The following NRIP1 variants were observed in gnomAD, a reference collection of about 807,000 sequenced individuals.
The protein encoded by NRIP1 is nuclear receptor-interacting protein 1.
A neutral mutation model predicts 75.0 loss-of-function variants in NRIP1; 28 were observed. The observed-to-expected ratio is 0.37, with a 90% CI of 0.28 to 0.51. The LOEUF is 0.51. Among genes scored for constraint, NRIP1 ranks in the 20% least tolerant of loss-of-function variants. NRIP1 has a pLI of 0.92. For synonymous variants in NRIP1, 526 were observed against 487.6 expected, an observed-to-expected ratio of 1.08 and a Z score of -1.04; for missense variants, 1,435 against 1,343.7, an observed-to-expected ratio of 1.07 and a Z score of -1.06.
intron 2 of NRIP1, among the ~76,000 whole-genome samples, chr21:15,029,018 A>G (rs962150824): frequency 2.0e-5 from 3 of 151,742 alleles, no homozygotes; most frequent in Admixed American, 6.6e-5. Flanking sequence ...TCACACCCAC[A>G]TACAATCTTT....
At chr21:15,041,861 G>A (rs1368257807) in intron 2 of NRIP1, among the ~76,000 whole-genome samples, 2 of 151,974 alleles carry the variant, frequency 1.3e-5, no homozygotes, top group African/African-American at 2.4e-5. Flanking sequence ...TTATTTTACT[G>A]ATAAAGTATA....
chr21:15,058,902 C>G (rs1017469631), intron 1 of NRIP1, among the ~76,000 whole-genome samples: 5 of 152,154 alleles, frequency 3.3e-5, no homozygotes, highest in African/African-American at 1.2e-4. Flanking sequence ...ATAGTACCCT[C>G]ACATAGCTAG....
intron 2 of NRIP1, among the ~76,000 whole-genome samples, chr21:15,021,137 T>A (rs903443298): frequency 2.0e-5 from 3 of 152,068 alleles, no homozygotes; most frequent in African/African-American, 7.2e-5. Flanking sequence ...TCAATCATAA[T>A]AACCAAAAAC....
At chr21:14,999,011 A>AAG (rs371600757) in intron 3 of NRIP1, among the ~76,000 whole-genome samples, 3 of 151,212 alleles carry the variant, frequency 2.0e-5, no homozygotes, top group Admixed American at 6.6e-5. Context: ...CTCTCGTAGA[A>AAG]AGAGAGAGAG....
chr21:14,979,355 C>A (rs1187147389), intron 3 of NRIP1, among the ~76,000 whole-genome samples: 1 of 152,092 alleles, frequency 6.6e-6, no homozygotes, highest in African/African-American at 2.4e-5. Flanking sequence ...GCAGGGATAT[C>A]CTTTGAGATG....
At chr21:14,970,237 T>C (rs2146953476) in intron 3 of NRIP1, among the ~76,000 whole-genome samples, 1 of 152,244 alleles carries the variant, frequency 6.6e-6, no homozygotes, top group South Asian at 2.1e-4. Context: ...AAACCCAGTT[T>C]TCTAATTCTC....
chr21:15,022,243 G>C lies in NRIP1; in HGVS notation c.-457-7777C>G, dbSNP rs117992413. ...GGAATGAGATCATGTCCTTTGCAGG[G>C]ACATGGATAGAAGCCATTATCCTCA... On this transcript the variant is annotated intron_variant, in intron 2 of 3. Transcript: ENST00000318948. Among the ~76,000 whole-genome samples the C allele has an allele frequency of 0.012, 1,866 of 152,282 alleles. 205 individuals are homozygous for C. In the East Asian group the frequency reaches 0.26, roughly 21 times the overall value.
chr21:15,028,412 C>A (rs1342418215), intron 2 of NRIP1, among the ~76,000 whole-genome samples: 1 of 152,098 alleles, frequency 6.6e-6, no homozygotes, highest in Non-Finnish European at 1.5e-5. Context: ...GGGGTAAGAT[C>A]GCCTATTTAA....
chr21:15,061,246 G>T (rs535375990), intron 1 of NRIP1, among the ~76,000 whole-genome samples: 1 of 152,278 alleles, frequency 6.6e-6, no homozygotes, highest in South Asian at 2.1e-4. Flanking sequence ...AACGGCAAAT[G>T]CTTTTTCCCA....
chr21:15,051,980 A>G (rs940545018), intron 1 of NRIP1: 1 of 152,180 alleles, frequency 6.6e-6, no homozygotes, highest in Non-Finnish European at 1.5e-5. Context: ...CTTTTGTTCT[A>G]GCCTATTAAC....
intron 1 of NRIP1, among the ~76,000 whole-genome samples, chr21:15,046,917 C>A (rs1401841949): frequency 1.3e-5 from 2 of 152,094 alleles, no homozygotes; most frequent in Admixed American, 6.6e-5. Flanking sequence ...CTCCTCTCGG[C>A]CTTTGTGGAA....
intron 2 of NRIP1, among the ~76,000 whole-genome samples, chr21:15,017,934 T>A (rs958812702): frequency 6.6e-6 from 1 of 152,124 alleles, no homozygotes; most frequent in African/African-American, 2.4e-5. Context: ...ACACAAAAGA[T>A]AAATTAAAAG....
At position 14,967,905 on chromosome 21, in the gene NRIP1, T is replaced by G. The variant is rs987915739; in HGVS notation, c.288A>C (p.Ala96=). The change falls in exon 4 of 4, where the codon GCA becomes GCC. Residue 96 remains alanine (A), a synonymous_variant. Transcript: ENST00000318948. ...TAGAATCAGACAGCCTCTTCCGCTT[T>G]GCTGCATTCCAGTCCTCAGAAGACT... is the stretch of plus-strand genomic sequence containing the variant. ...LLQSSEDWNA[A]KRKRLSDSIM... is the part of the protein sequence containing the mutation. The G allele has an allele frequency of 6.2e-7, 1 of 1,614,166 alleles. No homozygotes were observed. The highest frequency in any genetic ancestry group is 8.5e-7 in the Non-Finnish European group (1 of 1,180,028).
chr21:15,016,680 C>T (rs1002011435), intron 2 of NRIP1, among the ~76,000 whole-genome samples: 1 of 151,964 alleles, frequency 6.6e-6, no homozygotes. Context: ...GTCTGGAGAT[C>T]GAGACCATCC....
At chr21:15,060,065 T>C (rs1048568534) in intron 1 of NRIP1, among the ~76,000 whole-genome samples, 26 of 152,164 alleles carry the variant, frequency 1.7e-4, no homozygotes, top group Non-Finnish European at 3.8e-4. Flanking sequence ...TTTGTAATAT[T>C]TGCAAGATAG....
intron 2 of NRIP1, among the ~76,000 whole-genome samples, chr21:15,026,365 A>G (rs2088521228): frequency 6.6e-6 from 1 of 152,210 alleles, no homozygotes; most frequent in South Asian, 2.1e-4. Context: ...TAATTTGGAA[A>G]AAGTTAAAAA....
chr21:14,972,805 T>A (rs545211364), intron 3 of NRIP1, among the ~76,000 whole-genome samples: 1 of 152,192 alleles, frequency 6.6e-6, no homozygotes, highest in Non-Finnish European at 1.5e-5. Context: ...GTGGGGAACC[T>A]AGATCCCTCA....
intron 2 of NRIP1, among the ~76,000 whole-genome samples, chr21:15,020,764 CAT>C (rs1325117874): frequency 6.6e-6 from 1 of 151,720 alleles, no homozygotes; most frequent in Non-Finnish European, 1.5e-5. Flanking sequence ...CCAAAGAAGA[CAT>C]GTGAATGTTT....
intron 1 of NRIP1, among the ~76,000 whole-genome samples, chr21:15,054,621 A>G (rs1306708771): frequency 6.6e-6 from 1 of 152,348 alleles, no homozygotes; most frequent in African/African-American, 2.4e-5. Context: ...AAAACGTGGA[A>G]GAGCTTCCAT....
Sources: gnomAD v4.1 joint callset for allele counts (sites outside exome capture counted in the v4.1 genomes callset) on GRCh38, gnomAD v4.1.1 for gene constraint, MANE v1.5 for transcripts, NCBI Gene and HGNC (gene_info 2026-07-23, HGNC 2026-07-21) for gene names.